The following RBPMS variants were observed in gnomAD, a reference collection of about 807,000 sequenced individuals.
RBPMS encodes RNA-binding protein with multiple splicing.
A neutral mutation model predicts 26.8 loss-of-function variants in RBPMS; 7 were observed. The ratio of observed to expected loss-of-function variants is 0.26; its 90% CI spans 0.15 to 0.49. The LOEUF is 0.49. RBPMS is among the 20% of genes least tolerant of loss of function. The pLI is 0.98. For missense variants in RBPMS, 186 were observed against 250.0 expected, an observed-to-expected ratio of 0.74 and a Z score of 1.73; for synonymous variants, 96 against 93.3, an observed-to-expected ratio of 1.03 and a Z score of -0.17.
intron 1 of RBPMS, among the ~76,000 whole-genome samples, chr8:30,411,841 C>G (rs1351616000): frequency 6.6e-6 from 1 of 151,824 alleles, no homozygotes; most frequent in Non-Finnish European, 1.5e-5. Context: ...GCAGAATTAG[C>G]TGGGCGTTGT....
At chr8:30,472,164 A>G (rs984095036) in intron 1 of RBPMS, among the ~76,000 whole-genome samples, 4 of 152,256 alleles carry the variant, frequency 2.6e-5, no homozygotes, top group African/African-American at 9.6e-5. Flanking sequence ...CTAAATGTCA[A>G]CATGTGAATG....
intron 5 of RBPMS, among the ~76,000 whole-genome samples, chr8:30,516,548 T>C (rs967183212): frequency 1.3e-5 from 2 of 152,200 alleles, no homozygotes; most frequent in Non-Finnish European, 2.9e-5. Context: ...CTTGGGAGAC[T>C]CTACCCAAGT....
At chr8:30,512,489 T>C (rs1449156111) in intron 5 of RBPMS, among the ~76,000 whole-genome samples, 3 of 152,178 alleles carry the variant, frequency 2.0e-5, no homozygotes, top group African/African-American at 7.2e-5. Flanking sequence ...GTTACTGTTG[T>C]TGTTTTTTGA....
intron 4 of RBPMS, among the ~76,000 whole-genome samples, chr8:30,485,210 G>C (rs1013866605): frequency 4.6e-5 from 7 of 152,142 alleles, no homozygotes; most frequent in Admixed American, 2.0e-4. Flanking sequence ...GTGCAAGTTA[G>C]GACTTTTGAT....
chr8:30,447,995 A>C (rs890885785), intron 1 of RBPMS, among the ~76,000 whole-genome samples: 1 of 152,208 alleles, frequency 6.6e-6, no homozygotes. Flanking sequence ...TCAGCAATCT[A>C]TAGTCCATCC....
chr8:30,555,529 CTG>C (rs1228915267), intron 6 of RBPMS, among the ~76,000 whole-genome samples: 16 of 152,290 alleles, frequency 1.1e-4, no homozygotes, highest in Non-Finnish European at 2.9e-5. Context: ...GTGTGCAAGA[CTG>C]TGAGTGTGCA....
At position 30,434,212 on chromosome 8, in the gene RBPMS, G is replaced by A. The variant is rs943865880; in HGVS notation, c.67-40567G>A. 7.2e-4 allele frequency among the ~76,000 whole-genome samples: 110 copies of A among 152,246 alleles called. 1 individual carries two copies. Among genetic ancestry groups the A allele is most frequent in the East Asian group, 7.7e-4 (4 of 5,182 alleles). On this transcript the variant is annotated intron_variant, in intron 1 of 8. Coordinates refer to ENST00000397323, the MANE Select transcript of RBPMS (RefSeq NM_001008710.3). Reference sequence around the variant, plus strand: ...GGTATAAAATGAAGGAGCTACACTAGATAGTCTCTAAGCAACCTTCAAACT... The same window carrying A: ...GGTATAAAATGAAGGAGCTACACTAAATAGTCTCTAAGCAACCTTCAAACT...
rs1817852854 is a variant in RBPMS at position 30,477,748 on chromosome 8, T to C, written c.145-51T>C. Reference sequence around the variant, plus strand: ...AGAACTTATTTTTACATGAACAAGATGGTATTACTACAGTTACTTTTGGCT... The same window carrying C: ...AGAACTTATTTTTACATGAACAAGACGGTATTACTACAGTTACTTTTGGCT... On this transcript the variant is annotated intron_variant, in intron 2 of 8. Transcript: ENST00000397323. 11 of 1,228,250 alleles carry C rather than the reference T, an allele frequency of 9.0e-6. No individual in the cohort carries two copies. The South Asian group carries it at 1.1e-4, about 13-fold the overall frequency. The allele number at this position is 1,228,250 out of a possible 1,614,324, so 76.1% of individuals were successfully genotyped here.
At chr8:30,458,753 T>G (rs1815962170) in intron 1 of RBPMS, among the ~76,000 whole-genome samples, 1 of 152,106 alleles carries the variant, frequency 6.6e-6, no homozygotes, top group Non-Finnish European at 1.5e-5. Context: ...TCACTGTCAC[T>G]CAGGCTGGAG....
In RBPMS at chr8:30,489,072, G is replaced by T. The variant is rs554969586; in HGVS notation, c.246+9695G>T. 1.3e-3 allele frequency among the ~76,000 whole-genome samples: 202 copies of T among 152,184 alleles called. 2 individuals carry two copies. Among genetic ancestry groups the T allele is most frequent in the South Asian group, 0.012 (59 of 4,814 alleles). On this transcript the variant is annotated intron_variant, in intron 4 of 8. Coordinates refer to ENST00000397323, the MANE Select transcript of RBPMS (RefSeq NM_001008710.3). ...TTTTGATTTTTTGTTGTTAAGACAG[G>T]GTCTTGTCCTGTTGCCCAGGCTGGA...
intron 6 of RBPMS, chr8:30,556,145 A>C: frequency 1.0e-6 from 1 of 985,376 alleles, no homozygotes; most frequent in Non-Finnish European, 1.2e-6. Flanking sequence ...AGCCTGAGAC[A>C]CAAGAGCAAT....
At chr8:30,475,069 GATTT>G (rs1458368491) in intron 2 of RBPMS, among the ~76,000 whole-genome samples, 1 of 152,184 alleles carries the variant, frequency 6.6e-6, no homozygotes, top group Non-Finnish European at 1.5e-5. Flanking sequence ...TGTAAGTGAA[GATTT>G]ATTTCTAGTT....
At chr8:30,545,013 CG>C in intron 6 of RBPMS, 1 of 1,434,140 alleles carries the variant, frequency 7.0e-7, no homozygotes, top group Non-Finnish European at 9.1e-7. Flanking sequence ...GGGATATGTG[CG>C]TCTGTGCGTG....
intron 1 of RBPMS, among the ~76,000 whole-genome samples, chr8:30,411,678 A>C (rs1809429072): frequency 2.9e-5 from 4 of 138,190 alleles, no homozygotes; most frequent in Admixed American, 1.5e-4. Flanking sequence ...AAAAAAAAAA[A>C]AAAAAAGAAA....
chr8:30,517,581 C>A (rs1214348828), intron 5 of RBPMS, among the ~76,000 whole-genome samples: 2 of 152,138 alleles, frequency 1.3e-5, no homozygotes, highest in Non-Finnish European at 2.9e-5. Flanking sequence ...AGTTCCTGTT[C>A]TAATTTTCTC....
intron 6 of RBPMS, among the ~76,000 whole-genome samples, chr8:30,548,845 C>T (rs187862063): frequency 3.9e-5 from 6 of 152,316 alleles, no homozygotes; most frequent in African/African-American, 7.2e-5. Flanking sequence ...AAAAGCAAAT[C>T]GTATTAAGCA....
chr8:30,557,905 C>A (rs1827098123), intron 6 of RBPMS, among the ~76,000 whole-genome samples: 1 of 152,186 alleles, frequency 6.6e-6, no homozygotes, highest in Admixed American at 6.5e-5. Flanking sequence ...TCATTCATTG[C>A]CCAGAATGGA....
chr8:30,408,374 C>T (rs919911242), intron 1 of RBPMS, among the ~76,000 whole-genome samples: 4 of 152,116 alleles, frequency 2.6e-5, no homozygotes, highest in Non-Finnish European at 4.4e-5. Flanking sequence ...ACTAAAAGTA[C>T]AAAAATCAGC....
intron 1 of RBPMS, among the ~76,000 whole-genome samples, chr8:30,472,359 T>G (rs1472378669): frequency 6.6e-6 from 1 of 152,190 alleles, no homozygotes; most frequent in African/African-American, 2.4e-5. Flanking sequence ...TTGAGACATA[T>G]ATACTAATAT....
Sources: allele counts gnomAD v4.1 joint callset (sites outside exome capture counted in the v4.1 genomes callset), GRCh38; gene constraint gnomAD v4.1.1; transcripts MANE v1.5; gene names NCBI Gene and HGNC (gene_info 2026-07-23, HGNC 2026-07-21).